KCNU1: variants seen among roughly 807,000 people sequenced by gnomAD.
KCNU1 encodes potassium calcium-activated channel subfamily U member 1.
Under a neutral mutation model 126.8 loss-of-function variants are expected in KCNU1, and 93 were observed. The observed-to-expected ratio is 0.73, with a 90% CI of 0.62 to 0.87. KCNU1 has a LOEUF of 0.87. Among genes scored for constraint, KCNU1 ranks in the 40% least tolerant of loss-of-function variants. KCNU1 has a pLI of 0.00. For missense variants in KCNU1, 1,330 were observed against 1,367.1 expected, an observed-to-expected ratio of 0.97 and a Z score of 0.43; for synonymous variants, 523 against 494.2, an observed-to-expected ratio of 1.06 and a Z score of -0.77.
chr8:36,864,574 G>A (rs1227741365), intron 19 of KCNU1, 53 bp downstream of exon 19: 1 of 968,054 alleles, frequency 1.0e-6, no homozygotes, highest in Non-Finnish European at 1.7e-6. Context: ...GAATCAGTGG[G>A]CCATATATAT....
chr8:36,788,513 A>G (rs1188092995), intron 2 of KCNU1, among the ~76,000 whole-genome samples: 1 of 152,224 alleles, frequency 6.6e-6, no homozygotes, highest in African/African-American at 2.4e-5. Flanking sequence ...AAGTAGTTTC[A>G]TGTGAGCTAA....
intron 19 of KCNU1, among the ~76,000 whole-genome samples, chr8:36,897,739 C>G (rs1807255266): frequency 6.6e-6 from 1 of 151,742 alleles, no homozygotes; most frequent in African/African-American, 2.4e-5. Flanking sequence ...CCTTTCATCC[C>G]TAGTCACAGA....
At chr8:36,848,579 C>A (rs756215188) in intron 18 of KCNU1, among the ~76,000 whole-genome samples, 1 of 152,120 alleles carries the variant, frequency 6.6e-6, no homozygotes, top group Non-Finnish European at 1.5e-5. Flanking sequence ...ATTGGCCTAA[C>A]GTCATTTTAG....
At chr8:36,843,675 A>G (rs1230779781) in intron 16 of KCNU1, among the ~76,000 whole-genome samples, 1 of 152,208 alleles carries the variant, frequency 6.6e-6, no homozygotes, top group Non-Finnish European at 1.5e-5. Flanking sequence ...TGCATGTTTA[A>G]ATAGTTGGAC....
At chr8:36,840,822 T>C (rs1804922747) in intron 15 of KCNU1, 110 bp from the exon 16 acceptor site, 3 of 801,444 alleles carry the variant, frequency 3.7e-6, no homozygotes, top group Non-Finnish European at 6.5e-6. Context: ...CATTGGGAGT[T>C]CTTTCCTCTA....
chr8:36,905,699 C>G lies in KCNU1; in HGVS notation c.2010-9C>G, dbSNP rs779667909. Reference sequence around the variant, plus strand: ...AGTCTCAAACTAACTCTCCATTCTTCCTATTTAGGACTCTTCAACATGATG... The same window carrying G: ...AGTCTCAAACTAACTCTCCATTCTTGCTATTTAGGACTCTTCAACATGATG... On this transcript the variant is annotated splice_polypyrimidine_tract_variant and intron_variant, in intron 19 of 26. Transcript: ENST00000399881. The G allele has an allele frequency of 1.6e-5, 23 of 1,460,700 alleles. No homozygotes were observed. In the East Asian group the frequency reaches 5.0e-4, roughly 32 times the overall value. 90.5% of individuals were successfully genotyped at this position (1,460,700 alleles called of 1,614,324 possible).
At chr8:36,872,845 C>T (rs999169326) in intron 19 of KCNU1, among the ~76,000 whole-genome samples, 1 of 152,158 alleles carries the variant, frequency 6.6e-6, no homozygotes, top group Non-Finnish European at 1.5e-5. Flanking sequence ...GGGCTGGGTG[C>T]AGTAGCTCAT....
chr8:36,924,411 T>C (rs1358147143), intron 24 of KCNU1, among the ~76,000 whole-genome samples: 1 of 152,132 alleles, frequency 6.6e-6, no homozygotes, highest in Non-Finnish European at 1.5e-5. Flanking sequence ...GCATATCCAC[T>C]CCCTCCCTGA....
At chr8:36,862,753 C>T (rs1805775712) in intron 18 of KCNU1, among the ~76,000 whole-genome samples, 1 of 152,154 alleles carries the variant, frequency 6.6e-6, no homozygotes, top group East Asian at 1.9e-4. Context: ...TTTTTAACAG[C>T]TGACACATGT....
At chr8:36,922,843 G>A (rs1808407603) in intron 24 of KCNU1, 5 of 602,108 alleles carry the variant, frequency 8.3e-6, no homozygotes, top group African/African-American at 1.9e-5. Context: ...AAAACTTGAG[G>A]CCCTTGCAGC....
intron 4 of KCNU1, 42 bp downstream of exon 4, chr8:36,805,327 C>T: frequency 8.7e-7 from 1 of 1,153,796 alleles, no homozygotes; most frequent in African/African-American, 1.5e-5. Context: ...CCAAACACCA[C>T]AGGCACAACA....
chr8:36,903,973 C>T (rs1302868330), intron 19 of KCNU1, among the ~76,000 whole-genome samples: 2 of 152,108 alleles, frequency 1.3e-5, no homozygotes, highest in African/African-American at 2.4e-5. Flanking sequence ...CCACTGGGTC[C>T]CTCCCATGAC....
chr8:36,810,479 T>C (rs1355299525), intron 7 of KCNU1, among the ~76,000 whole-genome samples: 1 of 152,162 alleles, frequency 6.6e-6, no homozygotes, highest in Non-Finnish European at 1.5e-5. Context: ...GGCGTGTGAA[T>C]TAGACAGTGC....
rs190557629 is a variant in KCNU1, at chr8:36,810,932, C to G, written c.732+2139C>G. Among the ~76,000 whole-genome samples the G allele has an allele frequency of 1.2e-3, 177 of 152,106 alleles. 1 individual carries two copies. Among genetic ancestry groups the G allele is most frequent in the East Asian group, 5.8e-4 (3 of 5,172 alleles). On this transcript the variant is annotated intron_variant, in intron 7 of 26. Transcript: ENST00000399881. ...AATGATCCTTCATAGAATATTTATA[C>G]GGTTTGAACCAAGGGATTATTAAAC... is the stretch of plus-strand genomic sequence containing the variant.
chr8:36,894,394 GAA>G (rs1807099559), intron 19 of KCNU1, among the ~76,000 whole-genome samples: 1 of 152,132 alleles, frequency 6.6e-6, no homozygotes, highest in Non-Finnish European at 1.5e-5. Context: ...CCAAGCAAGA[GAA>G]GTCATTTACT....
chr8:36,804,606 A>C (rs1803431152), intron 3 of KCNU1, among the ~76,000 whole-genome samples: 1 of 152,152 alleles, frequency 6.6e-6, no homozygotes, highest in African/African-American at 2.4e-5. Flanking sequence ...TAGGGCAGCT[A>C]TTTTGGACAA....
At chr8:36,852,831 C>T (rs1289647967) in intron 18 of KCNU1, among the ~76,000 whole-genome samples, 1 of 151,940 alleles carries the variant, frequency 6.6e-6, no homozygotes, top group Non-Finnish European at 1.5e-5. Flanking sequence ...AAACTTGCTA[C>T]AATGTTTATC....
chr8:36,833,250 ACT>A (rs1320389615), intron 10 of KCNU1, among the ~76,000 whole-genome samples: 2 of 152,016 alleles, frequency 1.3e-5, no homozygotes, highest in African/African-American at 4.8e-5. Flanking sequence ...ACAGTGGCAG[ACT>A]CATCAATTTC....
intron 14 of KCNU1, among the ~76,000 whole-genome samples, chr8:36,837,671 G>C (rs1430088418): frequency 6.6e-6 from 1 of 152,152 alleles, no homozygotes; most frequent in Non-Finnish European, 1.5e-5. Context: ...TTTTGTCTGA[G>C]ACAAAGTAAG....
Sources: allele counts gnomAD v4.1 joint callset (sites outside exome capture counted in the v4.1 genomes callset), GRCh38; gene constraint gnomAD v4.1.1; transcripts MANE v1.5; gene names NCBI Gene and HGNC (gene_info 2026-07-23, HGNC 2026-07-21).